Variants in GALNT13 observed in about 807,000 individuals in gnomAD.
GALNT13 encodes UDP-GalNAc:polypeptide N-acetylgalactosaminyltransferase 13.
GALNT13 carries 28 observed loss-of-function variants against 64.2 expected under a neutral mutation model. That is an observed-to-expected ratio of 0.44 (90% CI 0.32 to 0.60). The LOEUF (loss-of-function observed/expected upper bound fraction) is 0.60. Among genes scored for constraint, GALNT13 ranks in the 20% least tolerant of loss-of-function variants. The probability of loss-of-function intolerance (pLI) is 0.05; values close to 1 mark genes in which losing one functional copy is unlikely to be tolerated. For missense variants in GALNT13, 577 were observed against 669.8 expected, an observed-to-expected ratio of 0.86 and a Z score of 1.53; for synonymous variants, 214 against 224.6, an observed-to-expected ratio of 0.95 and a Z score of 0.42.
chr2:153,359,629 G>GAAAAAAAAAAAAAAAAAAAA, the GALNT13 span, among the ~76,000 whole-genome samples: 1 of 8,926 alleles, frequency 1.1e-4, no homozygotes, highest in Non-Finnish European at 2.1e-4. Flanking sequence ...CCAGCTTTCA[G>GAAAAAAAAAAAAAAAAAAAA]CAAAAAAAAA....
At chr2:153,726,976 A>G in the GALNT13 span, among the ~76,000 whole-genome samples, 7 of 151,566 alleles carry the variant, frequency 4.6e-5, no homozygotes, top group African/African-American at 1.7e-4. Context: ...AACCACACAT[A>G]TTAGGTTGCT....
intron 3 of GALNT13, among the ~76,000 whole-genome samples, chr2:154,034,610 TTCCACTGTCCATTATCCACACTCTGTG>T (rs1332237246): frequency 2.0e-5 from 3 of 152,176 alleles, no homozygotes; most frequent in Non-Finnish European, 2.9e-5. Flanking sequence ...TTTCAAGCTT[TTCCACTGTCCATTATCCACACTCTGTG>T]TCCATTTATT....
At chr2:153,378,436 A>G in the GALNT13 span, among the ~76,000 whole-genome samples, 1 of 152,194 alleles carries the variant, frequency 6.6e-6, no homozygotes, top group African/African-American at 2.4e-5. Flanking sequence ...ATAGCTCTGA[A>G]GAGAAAATAA....
the GALNT13 span, among the ~76,000 whole-genome samples, chr2:153,376,217 G>A: frequency 0.33 from 50,855 of 152,004 alleles, 8,833 homozygotes; most frequent in Non-Finnish European, 0.38. Flanking sequence ...TGAGAGGAAT[G>A]TGAGAAGAAT....
At chr2:153,409,120 G>T in the GALNT13 span, among the ~76,000 whole-genome samples, 2 of 151,978 alleles carry the variant, frequency 1.3e-5, no homozygotes, top group African/African-American at 4.8e-5. Context: ...CAGATTGAAG[G>T]CTGCATTGTC....
the GALNT13 span, among the ~76,000 whole-genome samples, chr2:153,255,983 C>G: frequency 6.6e-6 from 1 of 152,110 alleles, no homozygotes; most frequent in South Asian, 2.1e-4. Flanking sequence ...TTGTGGCGTT[C>G]TCTGTATTTC....
At chr2:153,811,150 G>A in the GALNT13 span, among the ~76,000 whole-genome samples, 13 of 152,106 alleles carry the variant, frequency 8.5e-5, no homozygotes, top group African/African-American at 1.9e-4. Flanking sequence ...GGGAAACGGA[G>A]GTTCAGAAAG....
chr2:153,309,372 C>A, the GALNT13 span, among the ~76,000 whole-genome samples: 7 of 152,118 alleles, frequency 4.6e-5, no homozygotes, highest in Non-Finnish European at 7.4e-5. Context: ...CAAGTCCTGT[C>A]CCCTTCTCTA....
At chr2:153,957,085 ATTAT>A (rs1692615831) in intron 3 of GALNT13, among the ~76,000 whole-genome samples, 2 of 152,226 alleles carry the variant, frequency 1.3e-5, no homozygotes, top group Admixed American at 1.3e-4. Flanking sequence ...ATTTATGAAG[ATTAT>A]TTATAAACCA....
At chr2:154,057,097 T>A (rs1699930876) in intron 3 of GALNT13, among the ~76,000 whole-genome samples, 1 of 152,150 alleles carries the variant, frequency 6.6e-6, no homozygotes, top group African/African-American at 2.4e-5. Context: ...TGGCGCAATC[T>A]TGGCTCACTG....
At chr2:154,157,650 A>C (rs1284879548) in intron 4 of GALNT13, among the ~76,000 whole-genome samples, 1 of 152,172 alleles carries the variant, frequency 6.6e-6, no homozygotes, top group African/African-American at 2.4e-5. Context: ...TATTCCAAAA[A>C]GTTCTTGAAA....
the GALNT13 span, among the ~76,000 whole-genome samples, chr2:153,670,887 C>T: frequency 3.9e-5 from 6 of 152,006 alleles, no homozygotes; most frequent in African/African-American, 4.8e-5. Flanking sequence ...AACCACAGTA[C>T]GAGAAATTCG....
At chr2:153,990,722 T>C (rs1413486738) in intron 3 of GALNT13, among the ~76,000 whole-genome samples, 1 of 152,102 alleles carries the variant, frequency 6.6e-6, no homozygotes, top group Non-Finnish European at 1.5e-5. Context: ...TAGCAACAAG[T>C]CTAAATGAAT....
chr2:153,491,477 A>G, the GALNT13 span, among the ~76,000 whole-genome samples: 26 of 152,254 alleles, frequency 1.7e-4, no homozygotes, highest in East Asian at 4.6e-3. Context: ...TCATTTAGAA[A>G]GGGAGATAGT....
the GALNT13 span, among the ~76,000 whole-genome samples, chr2:153,540,912 T>C: frequency 3.9e-5 from 6 of 152,324 alleles, no homozygotes; most frequent in Non-Finnish European, 5.9e-5. Flanking sequence ...ACTTGCCTTG[T>C]CTCAGATGAG....
chr2:153,180,904 G>A, the GALNT13 span, among the ~76,000 whole-genome samples: 2 of 150,374 alleles, frequency 1.3e-5, no homozygotes, highest in African/African-American at 4.9e-5. Flanking sequence ...TTTAATTGCC[G>A]ATTTTTTCTT....
At chr2:153,677,284 T>TACACACAC in the GALNT13 span, among the ~76,000 whole-genome samples, 3,053 of 144,646 alleles carry the variant, frequency 0.021, 96 homozygotes, top group African/African-American at 0.069. Context: ...ACAATAGACA[T>TACACACAC]ACACACACAC....
At chr2:153,635,857 CAT>C in the GALNT13 span, among the ~76,000 whole-genome samples, 1 of 151,558 alleles carries the variant, frequency 6.6e-6, no homozygotes, top group Non-Finnish European at 1.5e-5. Flanking sequence ...TTTTTTTGTA[CAT>C]GTTTAAGAAA....
At chr2:154,107,588 CAAAAA>C in intron 3 of GALNT13, among the ~76,000 whole-genome samples, 1 of 72,284 alleles carries the variant, frequency 1.4e-5, no homozygotes. Context: ...GACTACATCA[CAAAAA>C]AAAAAAAAAA....
Sources: gnomAD v4.1 joint callset for allele counts (sites outside exome capture counted in the v4.1 genomes callset) on GRCh38, gnomAD v4.1.1 for gene constraint, MANE v1.5 for transcripts, NCBI Gene and HGNC (gene_info 2026-07-23, HGNC 2026-07-21) for gene names.